The following ZNF717 variants were observed in gnomAD, a reference collection of about 807,000 sequenced individuals.
ZNF717 encodes zinc finger protein 717.
In ZNF717, 9 loss-of-function variants were observed where a neutral mutation model predicts 13.8. The observed-to-expected ratio is 0.65, with a 90% CI of 0.39 to 1.14. The LOEUF (loss-of-function observed/expected upper bound fraction) is 1.14. Among genes scored for constraint, ZNF717 ranks in the 50% most tolerant of loss-of-function variants. ZNF717 has a pLI of 0.01. For missense variants in ZNF717, 1,040 were observed against 1,080.7 expected, an observed-to-expected ratio of 0.96 and a Z score of 0.53; for synonymous variants, 327 against 364.1, an observed-to-expected ratio of 0.90 and a Z score of 1.16.
chr3:75,778,427 CG>C (rs543919442), intron 2 of ZNF717, among the ~76,000 whole-genome samples: 218 of 147,648 alleles, frequency 1.5e-3, no homozygotes, highest in African/African-American at 5.5e-3. Flanking sequence ...GTGCTAAAAC[CG>C]GAACCCAAAA....
At chr3:75,763,269 G>A (rs1943177321) in intron 2 of ZNF717, among the ~76,000 whole-genome samples, 1 of 152,168 alleles carries the variant, frequency 6.6e-6, no homozygotes, top group Non-Finnish European at 1.5e-5. Flanking sequence ...TACCAGTTGA[G>A]CGTCCCTTAT....
intron 2 of ZNF717, among the ~76,000 whole-genome samples, chr3:75,768,941 A>T (rs62268122): frequency 0.095 from 14,431 of 152,120 alleles, 1,165 homozygotes; most frequent in African/African-American, 0.21. Context: ...CAGGATTCAG[A>T]TGGGCTCCAG....
intron 2 of ZNF717, among the ~76,000 whole-genome samples, chr3:75,758,689 T>C (rs922392687): frequency 3.3e-5 from 5 of 152,196 alleles, no homozygotes; most frequent in Non-Finnish European, 7.3e-5. Flanking sequence ...ATCACCACCT[T>C]ACATTAAGGC....
intron 4 of ZNF717, among the ~76,000 whole-genome samples, chr3:75,740,592 G>A (rs1421837842): frequency 1.4e-5 from 2 of 143,592 alleles, no homozygotes; most frequent in East Asian, 4.0e-4. Context: ...TTTTTTTGTA[G>A]GTGGTTGTCT....
intron 2 of ZNF717, among the ~76,000 whole-genome samples, chr3:75,760,150 T>G (rs1002695347): frequency 6.6e-6 from 1 of 152,186 alleles, no homozygotes; most frequent in Non-Finnish European, 1.5e-5. Flanking sequence ...TGCCTCAGCC[T>G]CCACGGTAGC....
At position 75,738,841 on chromosome 3, in the gene ZNF717, T is replaced by C. The variant is rs1939915219; in HGVS notation, c.782A>G (p.Gln261Arg). The C allele has an allele frequency of 6.4e-7, 1 of 1,551,638 alleles. No homozygotes were observed. Residue 261 changes from glutamine to arginine, a missense_variant, in exon 5 of 5, where the codon CAG becomes CGG. Transcript: ENST00000652011. ...VIVQVITQVG[Q>R]PTCCRKSDFT... ...GTCAGACTTTCTACAGCAAGTTGGC[T>C]GTCCTACCTGAGTTATCACTTGGAC...
At chr3:75,697,991 C>T (rs1937622788) in intron 6 of ZNF717, among the ~76,000 whole-genome samples, 1 of 152,310 alleles carries the variant, frequency 6.6e-6, no homozygotes, top group Non-Finnish European at 1.5e-5. Context: ...GTTGTCTTAG[C>T]AAAGTGGTTG....
chr3:75,730,631 G>C (rs1938475308), intron 5 of ZNF717: 1 of 672,126 alleles, frequency 1.5e-6, no homozygotes, highest in African/African-American at 1.9e-5. Context: ...GGAGATAAAA[G>C]ATTTTGAAAC....
chr3:75,774,861 C>T (rs1458377394), intron 2 of ZNF717, among the ~76,000 whole-genome samples: 82 of 152,094 alleles, frequency 5.4e-4, no homozygotes, highest in Non-Finnish European at 1.0e-4. Context: ...CCTCGTGATC[C>T]GTCCATCTCG....
chr3:75,716,283 A>C (rs1230239579), intron 5 of ZNF717: 1 of 152,098 alleles, frequency 6.6e-6, no homozygotes, highest in Non-Finnish European at 1.5e-5. Context: ...CATGCAGATC[A>C]AAATATTAAA....
chr3:75,714,614 G>A (rs1196705577), intron 5 of ZNF717, among the ~76,000 whole-genome samples: 1 of 151,848 alleles, frequency 6.6e-6, no homozygotes, highest in East Asian at 1.9e-4. Flanking sequence ...CTCGGCACCT[G>A]GGTGGCTTGC....
chr3:75,762,094 GAAAA>G (rs939539338), intron 2 of ZNF717, among the ~76,000 whole-genome samples: 1 of 37,860 alleles, frequency 2.6e-5, no homozygotes, highest in South Asian at 6.2e-4. Context: ...AGAAAGAAAA[GAAAA>G]AAAGAAAAGA....
chr3:75,776,043 T>C (rs1944292500), intron 2 of ZNF717, among the ~76,000 whole-genome samples: 1 of 152,256 alleles, frequency 6.6e-6, no homozygotes, highest in Admixed American at 6.5e-5. Context: ...AAATTACCTA[T>C]AACTCTTCAG....
intron 4 of ZNF717, among the ~76,000 whole-genome samples, chr3:75,720,279 T>G (rs1227918078): frequency 6.6e-6 from 1 of 152,198 alleles, no homozygotes; most frequent in Non-Finnish European, 1.5e-5. Context: ...ATGTGGCATA[T>G]GTACACCATG....
Position 75,741,100 on chromosome 3 carries a change from G to A in ZNF717, c.277+176C>T, listed in dbSNP as rs887383169. Among the ~76,000 whole-genome samples the A allele has an allele frequency of 9.8e-3, 1,386 of 141,016 alleles. 16 individuals are homozygous for A. Among genetic ancestry groups the A allele is most frequent in the African/African-American group, 0.035 (1,346 of 38,604 alleles). 92.5% of individuals were successfully genotyped at this position (141,016 alleles called of 152,430 possible). A position where few individuals can be genotyped will look rare whatever the true frequency, so the allele number is the denominator to read the frequency against. ...GAAGAAGATACTCAGAAAAATAAGA[G>A]ACTGGGATATATGCATGAGAGTTAC... On this transcript the variant is annotated intron_variant, in intron 4 of 4. Coordinates refer to ENST00000652011, the MANE Select transcript of ZNF717 (RefSeq NM_001290208.3).
chr3:75,781,416 C>A (rs1228540388), intron 2 of ZNF717, among the ~76,000 whole-genome samples: 2 of 152,134 alleles, frequency 1.3e-5, no homozygotes, highest in African/African-American at 2.4e-5. Context: ...TGGGGACTCT[C>A]CGATTCATGA....
chr3:75,768,720 T>TG (rs1431260031), intron 2 of ZNF717, among the ~76,000 whole-genome samples: 13 of 118,030 alleles, frequency 1.1e-4, no homozygotes, highest in Non-Finnish European at 1.2e-4. Context: ...GCTGAGTGTG[T>TG]GGGGGGTAGA....
At chr3:75,769,099 G>A (rs1943711378) in intron 2 of ZNF717, among the ~76,000 whole-genome samples, 2 of 152,176 alleles carry the variant, frequency 1.3e-5, no homozygotes, top group Non-Finnish European at 2.9e-5. Flanking sequence ...TCATCAAAAG[G>A]GGGAATCTAA....
chr3:75,784,088 C>A (rs759096195), intron 1 of ZNF717, among the ~76,000 whole-genome samples: 11 of 152,272 alleles, frequency 7.2e-5, no homozygotes, highest in Non-Finnish European at 1.6e-4. Flanking sequence ...TCTGGAGCTA[C>A]CCTGGTGGAG....
Sources: gnomAD v4.1 joint callset for allele counts (sites outside exome capture counted in the v4.1 genomes callset) on GRCh38, gnomAD v4.1.1 for gene constraint, MANE v1.5 for transcripts, NCBI Gene and HGNC (gene_info 2026-07-23, HGNC 2026-07-21) for gene names.